Variants in PLEKHB2 observed in about 807,000 individuals in gnomAD.
PLEKHB2 encodes pleckstrin homology domain containing B2.
In PLEKHB2, 31 loss-of-function variants were observed where a neutral mutation model predicts 36.5. The observed-to-expected ratio is 0.85, with a 90% CI of 0.64 to 1.15. PLEKHB2 has a LOEUF of 1.15. Ranked by LOEUF, PLEKHB2 falls within the 50% of genes most tolerant of loss-of-function variation. PLEKHB2 has a pLI of 0.00. For missense variants in PLEKHB2, 262 were observed against 295.3 expected, an observed-to-expected ratio of 0.89 and a Z score of 0.83; for synonymous variants, 119 against 112.0, an observed-to-expected ratio of 1.06 and a Z score of -0.39.
chr2:131,138,572 G>A (rs956381606), intron 6 of PLEKHB2, among the ~76,000 whole-genome samples: 1 of 152,142 alleles, frequency 6.6e-6, no homozygotes, highest in African/African-American at 2.4e-5. Context: ...GTCCGGGCTC[G>A]CCTTGAGCCT....
At position 131,149,464 on chromosome 2, in the gene PLEKHB2, G is replaced by A. The variant is rs1470678448; in HGVS notation, c.*2691G>A. On this transcript the variant is annotated 3_prime_UTR_variant, in exon 8 of 8. Transcript: ENST00000693505. The stretch of plus-strand genomic sequence containing the variant: ...TTCCTTGAGTCAACTTCAGGGTCTT[G>A]GATACTAAAGAGAAGGAGAACTGTG... 2.0e-5 allele frequency: 3 copies of A among 152,126 alleles called. No homozygotes were observed. Among genetic ancestry groups the A allele is most frequent in the Non-Finnish European group, 4.4e-5 (3 of 68,032 alleles). The allele number at this position is 152,126 out of a possible 1,614,324, so 9.4% of individuals were successfully genotyped here.
chr2:131,131,658 AT>A (rs1697696842), intron 5 of PLEKHB2, among the ~76,000 whole-genome samples: 1 of 152,020 alleles, frequency 6.6e-6, no homozygotes, highest in Admixed American at 6.6e-5. Context: ...AAGGCTTAAT[AT>A]CCTAATAGCG....
At chr2:131,135,799 G>A (rs1032538255) in intron 6 of PLEKHB2, among the ~76,000 whole-genome samples, 9 of 151,638 alleles carry the variant, frequency 5.9e-5, no homozygotes, top group African/African-American at 2.2e-4. Context: ...TAGTAGAGAC[G>A]GGGTTTCACC....
At chr2:131,140,902 C>T (rs538284288) in intron 7 of PLEKHB2, among the ~76,000 whole-genome samples, 1 of 152,314 alleles carries the variant, frequency 6.6e-6, no homozygotes, top group Admixed American at 6.5e-5. Context: ...TGAAGTGAGG[C>T]TGGGCAGGCG....
rs372357349 is a variant in PLEKHB2 at position 131,134,396 on chromosome 2, A to C, written c.423+1405A>C. Among the ~76,000 whole-genome samples the C allele has an allele frequency of 2.8e-4, 43 of 152,316 alleles. No individual in the cohort carries two copies. The South Asian group carries it at 8.5e-3, about 30-fold the overall frequency. On this transcript the variant is annotated intron_variant, in intron 6 of 7. Coordinates refer to ENST00000693505, the MANE Select transcript of PLEKHB2 (RefSeq NM_001100623.2). ...TTTTGCTGTCAGGTTAAAACTTAACATGACAAACCTAGCCCAAGTTTCCTA... is the reference window on the plus strand; with the variant it reads ...TTTTGCTGTCAGGTTAAAACTTAACCTGACAAACCTAGCCCAAGTTTCCTA...
chr2:131,117,317 C>T lies in PLEKHB2; in HGVS notation c.-8-3617C>T, dbSNP rs1193776340. Among the ~76,000 whole-genome samples, 14 of 152,112 alleles carry T rather than the reference C, an allele frequency of 9.2e-5. No homozygotes were observed. The East Asian group carries it at 1.7e-3, about 19-fold the overall frequency. On this transcript the variant is annotated intron_variant, in intron 1 of 7. Transcript: ENST00000693505. ...TGGCACACGCCCGTAATTCTAGCTA[C>T]TTGGGAGGCTGAGGCAGGAGAATTG...
intron 1 of PLEKHB2, among the ~76,000 whole-genome samples, chr2:131,108,517 T>A (rs1279290679): frequency 6.6e-6 from 1 of 152,344 alleles, no homozygotes; most frequent in African/African-American, 2.4e-5. Flanking sequence ...AGCAGCTTGA[T>A]GTCCTTGTTC....
intron 6 of PLEKHB2, among the ~76,000 whole-genome samples, chr2:131,134,040 C>T (rs1254966785): frequency 6.6e-6 from 1 of 151,700 alleles, no homozygotes; most frequent in Non-Finnish European, 1.5e-5. Flanking sequence ...GCTGGGACTA[C>T]AGGCGCCCGC....
intron 6 of PLEKHB2, among the ~76,000 whole-genome samples, chr2:131,135,097 G>C (rs529675802): frequency 1.3e-5 from 2 of 151,834 alleles, no homozygotes; most frequent in Non-Finnish European, 2.9e-5. Flanking sequence ...TTGAGACAGA[G>C]TGTCTCTCTT....
chr2:131,142,207 G>T (rs1573632448), intron 7 of PLEKHB2, among the ~76,000 whole-genome samples: 1 of 152,314 alleles, frequency 6.6e-6, no homozygotes, highest in Admixed American at 6.5e-5. Flanking sequence ...CACACAGGCG[G>T]TGCCCCAGAG....
chr2:131,146,951 T>G lies in PLEKHB2; in HGVS notation c.*178T>G. On this transcript the variant is annotated 3_prime_UTR_variant, in exon 8 of 8. Transcript: ENST00000693505. ...GTACCACAGAGAAGGGTTTGAACTG[T>G]GCTATTTTGTTCAAATGTTGACTCT... 1 of 502,186 alleles carries G rather than the reference T, an allele frequency of 2.0e-6. No individual in the cohort carries two copies. The highest frequency in any genetic ancestry group is 3.4e-6 in the Non-Finnish European group (1 of 297,378). 31.1% of individuals were successfully genotyped at this position (502,186 alleles called of 1,614,324 possible).
chr2:131,128,375 G>T (rs1341563944), intron 4 of PLEKHB2, among the ~76,000 whole-genome samples: 1 of 152,184 alleles, frequency 6.6e-6, no homozygotes, highest in Admixed American at 6.5e-5. Flanking sequence ...CTCAGGAAAA[G>T]CTCCTAGAGT....
At chr2:131,140,056 G>A (rs538600290) in intron 6 of PLEKHB2, 111 bp from the exon 7 acceptor site, 6 of 636,288 alleles carry the variant, frequency 9.4e-6, no homozygotes, top group African/African-American at 1.9e-5. Flanking sequence ...GTTTTGTTTT[G>A]TTTTTTTTAA....
At chr2:131,105,691 TCG>T (rs1694632731) in intron 1 of PLEKHB2, among the ~76,000 whole-genome samples, 1 of 151,976 alleles carries the variant, frequency 6.6e-6, no homozygotes, top group Admixed American at 6.6e-5. Flanking sequence ...CCCCTTCCCA[TCG>T]CTTCCCCGGC....
Position 131,130,749 on chromosome 2 carries a change from A to G in PLEKHB2, c.322A>G (p.Arg108Gly). ...LAWKFTLQDS[R>G]TNTAYVGSAV... ...CTGGAAATTTACACTCCAAGATTCTAGGACAAACACAGTAAGTTGCTAATG... is the reference window on the plus strand; with the variant it reads ...CTGGAAATTTACACTCCAAGATTCTGGGACAAACACAGTAAGTTGCTAATG... Residue 108 changes from arginine (R) to glycine (G), a missense_variant, in exon 5 of 8, where the codon AGG (arginine) becomes GGG (glycine). Coordinates refer to ENST00000693505, the MANE Select transcript of PLEKHB2 (RefSeq NM_001100623.2). 6.2e-7 allele frequency: 1 copy of G among 1,611,018 alleles called. No homozygotes were observed. Among genetic ancestry groups the G allele is most frequent in the Non-Finnish European group, 8.5e-7 (1 of 1,177,468 alleles).
chr2:131,139,048 G>A (rs764222664), intron 6 of PLEKHB2, among the ~76,000 whole-genome samples: 4 of 152,238 alleles, frequency 2.6e-5, no homozygotes, highest in Non-Finnish European at 5.9e-5. Context: ...AGGCTTTTAT[G>A]TGGTGGTTCC....
intron 1 of PLEKHB2, among the ~76,000 whole-genome samples, chr2:131,105,687 C>G (rs985790988): frequency 6.6e-6 from 1 of 152,176 alleles, no homozygotes; most frequent in African/African-American, 2.4e-5. Context: ...CAGACCCCTT[C>G]CCATCGCTTC....
At position 131,120,838 on chromosome 2, in the gene PLEKHB2, C is replaced by T. The variant is rs150458769; in HGVS notation, c.-8-96C>T. The T allele has an allele frequency of 4.7e-6, 6 of 1,281,008 alleles. No individual in the cohort carries two copies. In the Admixed American group the frequency reaches 8.9e-5, roughly 19 times the overall value. 79.4% of individuals were successfully genotyped at this position (1,281,008 alleles called of 1,614,324 possible). A position where few individuals can be genotyped will look rare whatever the true frequency, so the allele number is the denominator to read the frequency against. Reference sequence around the variant, plus strand: ...GCTAAAATGGCCTTGGGCCCTTCCTCAGCTGATGCTGAAGGGGATAAGGAT... The same window carrying T: ...GCTAAAATGGCCTTGGGCCCTTCCTTAGCTGATGCTGAAGGGGATAAGGAT... On this transcript the variant is annotated intron_variant, in intron 1 of 7. Coordinates refer to ENST00000693505, the MANE Select transcript of PLEKHB2 (RefSeq NM_001100623.2).
intron 7 of PLEKHB2, among the ~76,000 whole-genome samples, chr2:131,143,333 C>T (rs998070188): frequency 2.6e-5 from 4 of 152,002 alleles, no homozygotes; most frequent in East Asian, 1.9e-4. Flanking sequence ...AAAATGTAAA[C>T]GTTTTCAAAC....
Sources: gnomAD v4.1 joint callset for allele counts (sites outside exome capture counted in the v4.1 genomes callset) on GRCh38, gnomAD v4.1.1 for gene constraint, MANE v1.5 for transcripts, NCBI Gene and HGNC (gene_info 2026-07-23, HGNC 2026-07-21) for gene names.